The following THSD7A variants were observed in gnomAD, a reference collection of about 807,000 sequenced individuals.
The protein encoded by THSD7A is thrombospondin type 1 domain containing 7A, also known as thrombospondin type-1 domain-containing protein 7A.
A neutral mutation model predicts 231.3 loss-of-function variants in THSD7A; 96 were observed. The observed-to-expected ratio is 0.41, with a 90% CI of 0.35 to 0.49. The LOEUF (loss-of-function observed/expected upper bound fraction) is 0.49. Among genes scored for constraint, THSD7A ranks in the 20% least tolerant of loss-of-function variants. The probability of loss-of-function intolerance (pLI) is 0.05; values close to 1 mark genes in which losing one functional copy is unlikely to be tolerated. For missense variants in THSD7A, 2,290 were observed against 2,070.2 expected (o/e 1.11, Z -2.06); for synonymous variants, 940 against 743.3 (o/e 1.26, Z -4.30).
At chr7:11,760,559 G>A (rs1441686423) in intron 1 of THSD7A, among the ~76,000 whole-genome samples, 1 of 151,940 alleles carries the variant, frequency 6.6e-6, no homozygotes, top group African/African-American at 2.4e-5. Flanking sequence ...GAGCTTCCAG[G>A]AACAATTGCA....
Position 11,661,917 on chromosome 7 carries a change from G to C in THSD7A, c.191-24956C>G, listed in dbSNP as rs147688007. Among the ~76,000 whole-genome samples the C allele has an allele frequency of 4.2e-3, 628 of 151,200 alleles. 3 individuals are homozygous for C. Among genetic ancestry groups the C allele is most frequent in the African/African-American group, 0.014 (595 of 41,438 alleles). On this transcript the variant is annotated intron_variant, in intron 1 of 27. Transcript: ENST00000423059. ...AGTTTTAAGGTCCTTGCATTTTCTA[G>C]GATGTGATAGAATTATTAATTTTGA...
At chr7:11,686,980 G>C (rs962191509) in intron 1 of THSD7A, among the ~76,000 whole-genome samples, 77 of 151,402 alleles carry the variant, frequency 5.1e-4, no homozygotes, top group African/African-American at 1.8e-3. Context: ...TGAAAATTGG[G>C]GAAAATAAAC....
chr7:11,552,332 A>T (rs771576537), intron 4 of THSD7A, among the ~76,000 whole-genome samples: 18 of 152,058 alleles, frequency 1.2e-4, no homozygotes, highest in Non-Finnish European at 2.6e-4. Context: ...AAAAATACAC[A>T]CACACTCCCA....
intron 6 of THSD7A, among the ~76,000 whole-genome samples, chr7:11,518,827 G>A (rs1441944064): frequency 2.6e-5 from 4 of 152,122 alleles, no homozygotes; most frequent in Admixed American, 6.5e-5. Flanking sequence ...AAATGTTATG[G>A]CATGGACTAT....
intron 23 of THSD7A, among the ~76,000 whole-genome samples, chr7:11,393,059 G>T (rs1476330195): frequency 6.6e-6 from 1 of 152,120 alleles, no homozygotes; most frequent in Non-Finnish European, 1.5e-5. Context: ...ACTCTCTCCC[G>T]AAGTGGGTCC....
rs1448441575 is a variant in THSD7A at position 11,713,853 on chromosome 7, C to T, written c.191-76892G>A. On this transcript the variant is annotated intron_variant, in intron 1 of 27. Transcript: ENST00000423059. ...GACTTATATTTTATTAAATAGAATA[C>T]TGGTAATACAGTCTTTTTTCAATTG... Among the ~76,000 whole-genome samples, 5 of 151,088 alleles carry T rather than the reference C, an allele frequency of 3.3e-5. No homozygotes were observed. The East Asian group carries it at 7.9e-4, about 24-fold the overall frequency.
At chr7:11,480,942 CT>C (rs1276929496) in intron 7 of THSD7A, among the ~76,000 whole-genome samples, 1 of 152,058 alleles carries the variant, frequency 6.6e-6, no homozygotes, top group African/African-American at 2.4e-5. Context: ...AGTCATTTAG[CT>C]TGATAATGTT....
At chr7:11,550,821 C>G (rs989417493) in intron 4 of THSD7A, among the ~76,000 whole-genome samples, 1 of 152,160 alleles carries the variant, frequency 6.6e-6, no homozygotes, top group African/African-American at 2.4e-5. Flanking sequence ...CCACCAATGA[C>G]ATTTTTCACA....
chr7:11,598,287 G>A (rs1186930363), intron 2 of THSD7A, among the ~76,000 whole-genome samples: 2 of 152,220 alleles, frequency 1.3e-5, no homozygotes, highest in Admixed American at 6.5e-5. Flanking sequence ...GAAACTCTCT[G>A]AGTGGTCAAC....
intron 8 of THSD7A, among the ~76,000 whole-genome samples, chr7:11,472,710 T>C (rs1176792198): frequency 1.3e-5 from 2 of 152,190 alleles, no homozygotes; most frequent in Non-Finnish European, 1.5e-5. Flanking sequence ...GGCGTGTACA[T>C]ATGTACATCC....
intron 6 of THSD7A, among the ~76,000 whole-genome samples, chr7:11,523,655 C>G (rs10275437): frequency 0.25 from 37,363 of 151,680 alleles, 5,481 homozygotes; most frequent in African/African-American, 0.41. Context: ...AATGATCAAA[C>G]AATAGAAAAG....
At chr7:11,524,253 C>T (rs1052952202) in intron 6 of THSD7A, among the ~76,000 whole-genome samples, 2 of 151,998 alleles carry the variant, frequency 1.3e-5, no homozygotes, top group African/African-American at 4.8e-5. Flanking sequence ...GTCCAGGGTG[C>T]CCTTAGTATT....
intron 1 of THSD7A, among the ~76,000 whole-genome samples, chr7:11,772,131 T>C (rs555458314): frequency 6.6e-6 from 1 of 152,152 alleles, no homozygotes; most frequent in South Asian, 2.1e-4. Flanking sequence ...ACTCTAATCG[T>C]TAGAGAAATG....
chr7:11,623,083 A>G (rs1476206055), intron 2 of THSD7A, among the ~76,000 whole-genome samples: 1 of 152,206 alleles, frequency 6.6e-6, no homozygotes, highest in Non-Finnish European at 1.5e-5. Flanking sequence ...AAATATTGCT[A>G]CATTCATGGA....
intron 1 of THSD7A, among the ~76,000 whole-genome samples, chr7:11,777,459 A>ACACACT: frequency 6.7e-6 from 1 of 148,714 alleles, no homozygotes; most frequent in East Asian, 2.0e-4. Context: ...ACACACACAC[A>ACACACT]CTCTTTAACT....
intron 19 of THSD7A, among the ~76,000 whole-genome samples, chr7:11,409,159 A>T (rs1387381932): frequency 6.6e-6 from 1 of 152,236 alleles, no homozygotes; most frequent in Admixed American, 6.5e-5. Flanking sequence ...AGAAAAAACC[A>T]ATTACTAGGT....
chr7:11,654,830 G>T (rs943591201), intron 1 of THSD7A, among the ~76,000 whole-genome samples: 3 of 151,788 alleles, frequency 2.0e-5, no homozygotes, highest in Non-Finnish European at 4.4e-5. Context: ...TACTGAAATC[G>T]AACTCTGGCA....
At chr7:11,397,041 T>C (rs1783213273) in intron 23 of THSD7A, among the ~76,000 whole-genome samples, 1 of 152,092 alleles carries the variant, frequency 6.6e-6, no homozygotes, top group Admixed American at 6.6e-5. Flanking sequence ...CACATGATTA[T>C]CTCAATAGAT....
chr7:11,409,204 TA>T (rs1451654430), intron 19 of THSD7A, among the ~76,000 whole-genome samples: 3 of 152,164 alleles, frequency 2.0e-5, no homozygotes, highest in Admixed American at 6.5e-5. Flanking sequence ...ACACTGAAGA[TA>T]AAAATAATAC....
Sources: gnomAD v4.1 joint callset for allele counts (sites outside exome capture counted in the v4.1 genomes callset) on GRCh38, gnomAD v4.1.1 for gene constraint, MANE v1.5 for transcripts, NCBI Gene and HGNC (gene_info 2026-07-23, HGNC 2026-07-21) for gene names.